The following ARFIP2 variants were observed in gnomAD, a reference collection of about 807,000 sequenced individuals.
ARFIP2 encodes the protein arfaptin-2.
Under a neutral mutation model 39.2 loss-of-function variants are expected in ARFIP2, and 14 were observed. The ratio of observed to expected loss-of-function variants is 0.36; its 90% CI spans 0.24 to 0.56. The LOEUF (loss-of-function observed/expected upper bound fraction) is 0.56, where lower values mean the gene tolerates loss of function less well. ARFIP2 is among the 20% of genes least tolerant of loss of function. The pLI, the probability that ARFIP2 is intolerant of heterozygous loss-of-function variation, is 0.85. For synonymous variants in ARFIP2, 167 were observed against 172.4 expected, an observed-to-expected ratio of 0.97 and a Z score of 0.24; for missense variants, 305 against 422.5, an observed-to-expected ratio of 0.72 and a Z score of 2.44.
intron 3 of ARFIP2, 132 bp downstream of exon 3, chr11:6,479,840 A>C (rs1851527495): frequency 1.1e-6 from 1 of 892,398 alleles, no homozygotes; most frequent in African/African-American, 1.7e-5. Context: ...AGGAGAGTCC[A>C]TGAGGTTCCT....
Position 6,480,306 on chromosome 11 carries a change from G to A in ARFIP2, c.99+17C>T. ...GATTCCTAAATTGAAACAATTAGAAGAATCAAACAGAAGCACCTGCTCCAG... is the reference window on the plus strand; with the variant it reads ...GATTCCTAAATTGAAACAATTAGAAAAATCAAACAGAAGCACCTGCTCCAG... On this transcript the variant is annotated intron_variant, in intron 2 of 7. Coordinates refer to ENST00000396777, the MANE Select transcript of ARFIP2 (RefSeq NM_001376558.2). The A allele has an allele frequency of 1.2e-6, 2 of 1,608,106 alleles. No individual in the cohort carries two copies. Among genetic ancestry groups the A allele is most frequent in the Non-Finnish European group, 1.7e-6 (2 of 1,176,856 alleles).
chr11:6,479,547 G>A lies in ARFIP2; in HGVS notation c.197-289C>T, dbSNP rs1851499210. ...TACACTGAGTTTGGGGGCAGCAGGA[G>A]TCAAGGATGGTGGGTCATGATAACA... On this transcript the variant is annotated intron_variant, in intron 3 of 7. Coordinates refer to ENST00000396777, the MANE Select transcript of ARFIP2 (RefSeq NM_001376558.2). The A allele has an allele frequency of 1.2e-5, 7 of 596,804 alleles. No homozygotes were observed. The South Asian group carries it at 1.2e-4, about 11-fold the overall frequency. The allele number at this position is 596,804 out of a possible 1,614,324, so 37.0% of individuals were successfully genotyped here.
chr11:6,478,650 G>T lies in ARFIP2; in HGVS notation c.537+88C>A. 6.6e-7 allele frequency: 1 copy of T among 1,523,426 alleles called. No individual in the cohort carries two copies. Among genetic ancestry groups the T allele is most frequent in the Non-Finnish European group, 8.8e-7 (1 of 1,131,838 alleles). The allele number at this position is 1,523,426 out of a possible 1,614,324, so 94.4% of individuals were successfully genotyped here. A position where few individuals can be genotyped will look rare whatever the true frequency, so the allele number is the denominator to read the frequency against. ...CCCACCCTGAAGGGGTTCTCCCTGT[G>T]GGCTGCAGGAGGGAGGGAGGATGAG... On this transcript the variant is annotated intron_variant, in intron 5 of 7. Coordinates refer to ENST00000396777, the MANE Select transcript of ARFIP2 (RefSeq NM_001376558.2). This position sits in a 1 kb window ranked among gnomAD's most constrained non-coding sequence, Gnocchi z 4.8.
At chr11:6,479,875 C>T in intron 3 of ARFIP2, 97 bp downstream of exon 3, 1 of 1,235,270 alleles carries the variant, frequency 8.1e-7, no homozygotes, top group Non-Finnish European at 1.2e-6. Flanking sequence ...CCAAGATCTC[C>T]AGACATAATT....
At chr11:6,479,765 C>T (rs774174951) in intron 3 of ARFIP2, 23 of 587,064 alleles carry the variant, frequency 3.9e-5, no homozygotes, top group Non-Finnish European at 6.0e-5. Flanking sequence ...GACAAATGAG[C>T]CATTTCAGGG....
intron 3 of ARFIP2, chr11:6,479,705 G>C: frequency 1.8e-6 from 1 of 548,622 alleles, no homozygotes. Flanking sequence ...TAGAGGGGGG[G>C]CATTCCTGTG....
Position 6,477,839 on chromosome 11 carries a change from CGGGGG to C in ARFIP2, c.744_748del (p.Pro249GlyfsTer9). 6.2e-7 allele frequency: 1 copy of C among 1,613,996 alleles called. No homozygotes were observed. The highest frequency in any genetic ancestry group is 1.1e-5 in the South Asian group (1 of 91,082). On this transcript the variant is annotated frameshift_variant, in exon 7 of 8. Coordinates refer to ENST00000396777, the MANE Select transcript of ARFIP2 (RefSeq NM_001376558.2). LOFTEE classifies it high-confidence loss of function. This position sits in a 1 kb window ranked among gnomAD's most constrained non-coding sequence, Gnocchi z 4.8. ...AAGTCGACCACGTGTCCCTGCATCC[CGGGGG>C]CCTAGACTCAGCTCCTCTAAGTCTG...
rs1464855260 is a variant in ARFIP2, at chr11:6,476,916, ACAGGG to A, written c.*192_*196del. 5.2e-6 allele frequency: 3 copies of A among 574,626 alleles called. No homozygotes were observed. Among genetic ancestry groups the A allele is most frequent in the Non-Finnish European group, 6.0e-6 (2 of 334,718 alleles). The allele number at this position is 574,626 out of a possible 1,614,324, so 35.6% of individuals were successfully genotyped here. A position where few individuals can be genotyped will look rare whatever the true frequency, so the allele number is the denominator to read the frequency against. On this transcript the variant is annotated 3_prime_UTR_variant, in exon 8 of 8. Transcript: ENST00000396777. The stretch of plus-strand genomic sequence containing the variant: ...TGAAGCCCTGTGGCCAGGAAGATAG[ACAGGG>A]CAGCAACTTCTGGGCCTCCAGGCCC...
rs1485865367 is a variant in ARFIP2 at position 6,480,906 on chromosome 11, C to A, written c.-43+325G>T. Reference sequence around the variant, plus strand: ...TTGTTCTCCATTGCTTGGCCTTTCACATTCCTTTAGCGTTTCTTCCCCCTT... The same window carrying A: ...TTGTTCTCCATTGCTTGGCCTTTCAAATTCCTTTAGCGTTTCTTCCCCCTT... On this transcript the variant is annotated intron_variant, in intron 1 of 7. Transcript: ENST00000396777. 4 of 170,044 alleles carry A rather than the reference C, an allele frequency of 2.4e-5. No homozygotes were observed. In the East Asian group the frequency reaches 7.4e-4, roughly 31 times the overall value. 10.5% of individuals were successfully genotyped at this position (170,044 alleles called of 1,614,324 possible).
Position 6,477,904 on chromosome 11 carries a change from G to A in ARFIP2, c.696-12C>T. On this transcript the variant is annotated splice_polypyrimidine_tract_variant and intron_variant, in intron 6 of 7. Coordinates refer to ENST00000396777, the MANE Select transcript of ARFIP2 (RefSeq NM_001376558.2). The surrounding 1 kb of genome is among the most constrained non-coding windows in gnomAD (Gnocchi z 4.8). Reference sequence around the variant, plus strand: ...CATCATATTCCAGCCTGGGGAGGGGGTGATAAAGGCTGGTCTCCACTCCTT... The same window carrying A: ...CATCATATTCCAGCCTGGGGAGGGGATGATAAAGGCTGGTCTCCACTCCTT... 1.2e-6 allele frequency: 2 copies of A among 1,613,356 alleles called. No homozygotes were observed. Among genetic ancestry groups the A allele is most frequent in the Non-Finnish European group, 1.7e-6 (2 of 1,179,562 alleles).
chr11:6,478,239 C>A lies in ARFIP2; in HGVS notation c.538-41G>T. 3 of 1,610,854 alleles carry A rather than the reference C, an allele frequency of 1.9e-6. No homozygotes were observed. The highest frequency in any genetic ancestry group is 1.7e-6 in the Non-Finnish European group (2 of 1,177,788). On this transcript the variant is annotated intron_variant, in intron 5 of 7. Transcript: ENST00000396777. The surrounding 1 kb of genome is among the most constrained non-coding windows in gnomAD (Gnocchi z 4.8). The stretch of plus-strand genomic sequence containing the variant: ...AGGAACAGACCTTGAATAACACTCC[C>A]TACCTGACTGAAGCTGTAGAGCCCT...
At chr11:6,479,462 G>T in intron 3 of ARFIP2, 1 of 951,036 alleles carries the variant, frequency 1.1e-6, no homozygotes, top group Non-Finnish European at 1.6e-6. Flanking sequence ...CTCCTTGGGG[G>T]TTAGAGGAGG....
chr11:6,479,973 T>C lies in ARFIP2; in HGVS notation c.195A>G (p.Thr65=). The change falls in exon 3 of 8, where the codon ACA becomes ACG. Residue 65 remains threonine (T), a splice_region_variant and synonymous_variant. Coordinates refer to ENST00000396777, the MANE Select transcript of ARFIP2 (RefSeq NM_001376558.2). Reference sequence around the variant, plus strand: ...ATTCCTGTTTCTGAACATTCATACCTGTGGGGATGAGTCCATCACCAGAGC... The same window carrying C: ...ATTCCTGTTTCTGAACATTCATACCCGTGGGGATGAGTCCATCACCAGAGC... The part of the protein sequence containing the change: ...YGGSGDGLIP[T]GSGRHPSHST... The C allele has an allele frequency of 1.9e-6, 3 of 1,613,918 alleles. No individual in the cohort carries two copies. Among genetic ancestry groups the C allele is most frequent in the Non-Finnish European group, 2.5e-6 (3 of 1,179,814 alleles).
rs1851315160 is a variant in ARFIP2, at chr11:6,478,293, A to G, written c.538-95T>C. 3 of 1,440,994 alleles carry G rather than the reference A, an allele frequency of 2.1e-6. No individual in the cohort carries two copies. Among genetic ancestry groups the G allele is most frequent in the Non-Finnish European group, 2.9e-6 (3 of 1,047,390 alleles). 89.3% of individuals were successfully genotyped at this position (1,440,994 alleles called of 1,614,324 possible). A position where few individuals can be genotyped will look rare whatever the true frequency, so the allele number is the denominator to read the frequency against. ...TTCCCCTCCTCCCCGGGGAGGACAC[A>G]GCCAGCAAAACTGGAACAACCAAGG... is the stretch of plus-strand genomic sequence containing the variant. On this transcript the variant is annotated intron_variant, in intron 5 of 7. Coordinates refer to ENST00000396777, the MANE Select transcript of ARFIP2 (RefSeq NM_001376558.2). This position sits in a 1 kb window ranked among gnomAD's most constrained non-coding sequence, Gnocchi z 4.8.
chr11:6,479,485 G>T, intron 3 of ARFIP2: 1 of 726,656 alleles, frequency 1.4e-6, no homozygotes, highest in Non-Finnish European at 2.2e-6. Flanking sequence ...TTTGCAGGGA[G>T]TTGTTGGTGT....
chr11:6,480,682 G>A (rs1473545877), intron 1 of ARFIP2: 4 of 395,710 alleles, frequency 1.0e-5, no homozygotes, highest in African/African-American at 6.3e-5. Flanking sequence ...ACCTCACCAG[G>A]ACTCTGGTGA....
In ARFIP2 at chr11:6,477,870, T is replaced by C. The variant is rs1341783963; in HGVS notation, c.718A>G (p.Thr240Ala). Residue 240 changes from threonine to alanine, a missense_variant, in exon 7 of 8, where the codon ACA becomes GCA. By Grantham distance (58) the Thr-to-Ala change is moderately conservative. Transcript: ENST00000396777. This position sits in a 1 kb window ranked among gnomAD's most constrained non-coding sequence, Gnocchi z 4.8. The part of the protein sequence containing the change: ...AARLEYDAYR[T>A]DLEELSLGPR... ...CCTAGACTCAGCTCCTCTAAGTCTG[T>C]TCGGTAGGCATCATATTCCAGCCTG... The C allele has an allele frequency of 1.9e-6, 3 of 1,613,944 alleles. No homozygotes were observed. Among genetic ancestry groups the C allele is most frequent in the Non-Finnish European group, 2.5e-6 (3 of 1,179,948 alleles).
At chr11:6,479,869 G>C (rs760604885) in intron 3 of ARFIP2, 103 bp downstream of exon 3, 1 of 1,171,900 alleles carries the variant, frequency 8.5e-7, no homozygotes, top group Non-Finnish European at 1.3e-6. Flanking sequence ...AAGTTCCCAA[G>C]ATCTCCAGAC....
chr11:6,478,303 A>C lies in ARFIP2; in HGVS notation c.538-105T>G. 7.2e-7 allele frequency: 1 copy of C among 1,386,896 alleles called. No individual in the cohort carries two copies. The highest frequency in any genetic ancestry group is 1.0e-6 in the Non-Finnish European group (1 of 1,002,320). 85.9% of individuals were successfully genotyped at this position (1,386,896 alleles called of 1,614,324 possible). A position where few individuals can be genotyped will look rare whatever the true frequency, so the allele number is the denominator to read the frequency against. On this transcript the variant is annotated intron_variant, in intron 5 of 7. Coordinates refer to ENST00000396777, the MANE Select transcript of ARFIP2 (RefSeq NM_001376558.2). The surrounding 1 kb of genome is among the most constrained non-coding windows in gnomAD (Gnocchi z 4.8). ...CCCCGGGGAGGACACAGCCAGCAAAACTGGAACAACCAAGGACTGCCTCCA... is the reference window on the plus strand; with the variant it reads ...CCCCGGGGAGGACACAGCCAGCAAACCTGGAACAACCAAGGACTGCCTCCA...
Sources: allele counts gnomAD v4.1 joint callset, GRCh38; gene constraint gnomAD v4.1.1; non-coding constraint Gnocchi (gnomAD v3.1); transcripts MANE v1.5; gene names NCBI Gene and HGNC (gene_info 2026-07-23, HGNC 2026-07-21).